ATF2: variants seen among roughly 807,000 people sequenced by gnomAD.
ATF2 encodes the protein activating transcription factor 2.
ATF2 carries 24 observed loss-of-function variants against 60.6 expected under a neutral mutation model. That is an observed-to-expected ratio of 0.40 (90% CI 0.29 to 0.56). The LOEUF is 0.56. Ranked by LOEUF, ATF2 falls within the 20% of genes least tolerant of loss-of-function variation. ATF2 has a pLI of 0.54. For missense variants in ATF2, 433 were observed against 607.7 expected, an observed-to-expected ratio of 0.71 and a Z score of 3.02; for synonymous variants, 206 against 215.4, an observed-to-expected ratio of 0.96 and a Z score of 0.38.
intron 1 of ATF2, among the ~76,000 whole-genome samples, chr2:175,158,459 A>G (rs1177849595): frequency 6.6e-6 from 1 of 151,740 alleles, no homozygotes; most frequent in Non-Finnish European, 1.5e-5. Flanking sequence ...TTGAGCTCAA[A>G]CTCTTATTTT....
intron 1 of ATF2, among the ~76,000 whole-genome samples, chr2:175,160,976 C>T (rs762611738): frequency 5.3e-5 from 8 of 152,020 alleles, no homozygotes; most frequent in African/African-American, 9.7e-5. Context: ...AGGTGGAAGC[C>T]GCAGTGAGAC....
intron 11 of ATF2, among the ~76,000 whole-genome samples, chr2:175,094,920 C>T (rs1349922257): frequency 6.6e-6 from 1 of 151,932 alleles, no homozygotes; most frequent in East Asian, 1.9e-4. Context: ...TCCGCATGGG[C>T]AACAGAGGAA....
At chr2:175,086,040 T>C (rs1694147737) in intron 12 of ATF2, among the ~76,000 whole-genome samples, 1 of 152,120 alleles carries the variant, frequency 6.6e-6, no homozygotes, top group African/African-American at 2.4e-5. Flanking sequence ...AATAACCAAT[T>C]TTTTCCACTA....
intron 3 of ATF2, among the ~76,000 whole-genome samples, chr2:175,133,524 G>A (rs1183701461): frequency 6.6e-6 from 1 of 152,156 alleles, no homozygotes; most frequent in Non-Finnish European, 1.5e-5. Context: ...GTTTCCCAAA[G>A]CATGGTAGCT....
intron 10 of ATF2, among the ~76,000 whole-genome samples, chr2:175,110,337 A>AAAATAAATAAATGAAT (rs1696090911): frequency 6.6e-6 from 1 of 150,764 alleles, no homozygotes; most frequent in Admixed American, 6.6e-5. Context: ...TCCATCTCAA[A>AAAATAAATAAATGAAT]AAATAAATAA....
At chr2:175,167,340 G>A (rs932440262) in intron 1 of ATF2, among the ~76,000 whole-genome samples, 1 of 151,902 alleles carries the variant, frequency 6.6e-6, no homozygotes. Context: ...AAAAATAAGG[G>A]AAAATACCAG....
chr2:175,113,496 C>T (rs929128744), intron 9 of ATF2, among the ~76,000 whole-genome samples: 1 of 151,982 alleles, frequency 6.6e-6, no homozygotes, highest in Non-Finnish European at 1.5e-5. Flanking sequence ...TTAACACACC[C>T]CTCAAAAAAC....
At chr2:175,138,127 T>C (rs963447501) in intron 2 of ATF2, among the ~76,000 whole-genome samples, 1 of 152,198 alleles carries the variant, frequency 6.6e-6, no homozygotes, top group African/African-American at 2.4e-5. Context: ...CAATCTATAC[T>C]GGTAGGAAAA....
intron 7 of ATF2, among the ~76,000 whole-genome samples, chr2:175,115,801 A>G (rs1190532836): frequency 2.0e-5 from 3 of 152,232 alleles, no homozygotes; most frequent in Non-Finnish European, 4.4e-5. Context: ...TAAGTGTTAC[A>G]GAATAATACG....
chr2:175,153,440 G>C (rs1287987963), intron 1 of ATF2, among the ~76,000 whole-genome samples: 1 of 152,146 alleles, frequency 6.6e-6, no homozygotes, highest in Non-Finnish European at 1.5e-5. Flanking sequence ...ACCTGTACAG[G>C]ATGTTACTGT....
intron 4 of ATF2, among the ~76,000 whole-genome samples, chr2:175,127,889 G>A (rs561257684): frequency 6.6e-6 from 1 of 152,206 alleles, no homozygotes; most frequent in East Asian, 1.9e-4. Flanking sequence ...AAATTACAAT[G>A]AGATACCATT....
Position 175,089,425 on chromosome 2 carries a change from A to G in ATF2, c.1185+3636T>C, listed in dbSNP as rs957506916. On this transcript the variant is annotated intron_variant, in intron 12 of 13. Coordinates refer to ENST00000264110, the MANE Select transcript of ATF2 (RefSeq NM_001880.4). ...AAACCTTGTATTACATATAAAATAT[A>G]TAAGTAAACTATGGGTCATTACAGC... 9.2e-5 allele frequency among the ~76,000 whole-genome samples: 14 copies of G among 152,344 alleles called. No individual in the cohort carries two copies. The East Asian group carries it at 2.7e-3, about 29-fold the overall frequency.
At chr2:175,139,330 T>C (rs1698343932) in intron 2 of ATF2, among the ~76,000 whole-genome samples, 2 of 152,172 alleles carry the variant, frequency 1.3e-5, no homozygotes, top group South Asian at 4.1e-4. Flanking sequence ...ATGGAAATAA[T>C]AACTCTGCAT....
chr2:175,144,805 T>G (rs1481072690), intron 2 of ATF2, among the ~76,000 whole-genome samples: 2 of 152,186 alleles, frequency 1.3e-5, no homozygotes, highest in Non-Finnish European at 1.5e-5. Flanking sequence ...TAAGGCGGCA[T>G]CCACATGAAG....
At chr2:175,125,177 A>T (rs1697246313) in intron 4 of ATF2, among the ~76,000 whole-genome samples, 2 of 152,108 alleles carry the variant, frequency 1.3e-5, no homozygotes, top group Non-Finnish European at 2.9e-5. Context: ...AAAAATAACA[A>T]GAAACTTAAA....
intron 12 of ATF2, 125 bp from the exon 13 acceptor site, chr2:175,080,890 G>T: frequency 1.5e-6 from 1 of 654,478 alleles, no homozygotes; most frequent in Non-Finnish European, 2.6e-6. Context: ...AAGAAAATAT[G>T]CTGATTAAAT....
intron 2 of ATF2, among the ~76,000 whole-genome samples, chr2:175,142,415 C>T (rs1013351878): frequency 6.6e-6 from 1 of 152,062 alleles, no homozygotes; most frequent in African/African-American, 2.4e-5. Flanking sequence ...GTGATCCACG[C>T]CTTGGCCTCC....
chr2:175,085,549 A>AACACACACAC (rs1405679496), intron 12 of ATF2, among the ~76,000 whole-genome samples: 2 of 74,782 alleles, frequency 2.7e-5, no homozygotes, highest in Admixed American at 1.7e-4. Flanking sequence ...ATAAATACAT[A>AACACACACAC]ACATACACAC....
intron 12 of ATF2, among the ~76,000 whole-genome samples, chr2:175,083,517 G>T (rs557940615): frequency 2.3e-4 from 35 of 152,096 alleles, no homozygotes; most frequent in Non-Finnish European, 3.7e-4. Flanking sequence ...AGACTTTAAG[G>T]TTAGACCTAA....
Sources: gnomAD v4.1 joint callset for allele counts (sites outside exome capture counted in the v4.1 genomes callset) on GRCh38, gnomAD v4.1.1 for gene constraint, MANE v1.5 for transcripts, NCBI Gene and HGNC (gene_info 2026-07-23, HGNC 2026-07-21) for gene names.